Variants in CACFD1 observed in about 807,000 individuals in gnomAD.
The protein encoded by CACFD1 is calcium channel flower domain containing 1.
Under a neutral mutation model 21.3 loss-of-function variants are expected in CACFD1, and 26 were observed. The observed-to-expected ratio is 1.22, with a 90% CI of 0.89 to 1.69. The LOEUF (loss-of-function observed/expected upper bound fraction) is 1.69, where lower values mean the gene tolerates loss of function less well. Among genes scored for constraint, CACFD1 ranks in the 40% most tolerant of loss-of-function variants. The pLI is 0.00. For synonymous variants in CACFD1, 121 were observed against 106.6 expected, an observed-to-expected ratio of 1.13 and a Z score of -0.83; for missense variants, 265 against 236.2, an observed-to-expected ratio of 1.12 and a Z score of -0.80.
chr9:133,468,074 G>GC (rs988575029), intron 4 of CACFD1, 46 bp downstream of exon 4: 10 of 1,481,614 alleles, frequency 6.7e-6, no homozygotes, highest in African/African-American at 5.5e-5. Context: ...TCCTCCCTCC[G>GC]CCCCCCGAAG....
At position 133,469,283 on chromosome 9, in the gene CACFD1, C is replaced by A. The variant is rs1047775181; in HGVS notation, c.*630C>A. 6.6e-6 allele frequency: 1 copy of A among 152,472 alleles called. No homozygotes were observed. The highest frequency in any genetic ancestry group is 1.5e-5 in the Non-Finnish European group (1 of 68,266). 9.4% of individuals were successfully genotyped at this position (152,472 alleles called of 1,614,324 possible). Reference sequence around the variant, plus strand: ...CCTGGGAACCTTGGACAGGCCACCTCAAGGCCCCTCGGCTGCCCCTCCTCC... The same window carrying A: ...CCTGGGAACCTTGGACAGGCCACCTAAAGGCCCCTCGGCTGCCCCTCCTCC... On this transcript the variant is annotated 3_prime_UTR_variant, in exon 5 of 5. Transcript: ENST00000316948.
At position 133,460,128 on chromosome 9, in the gene CACFD1, AG is replaced by A; in HGVS notation, c.65del (p.Gly22AlafsTer2). 6.4e-7 allele frequency: 1 copy of A among 1,562,434 alleles called. No individual in the cohort carries two copies. Among genetic ancestry groups the A allele is most frequent in the Non-Finnish European group, 8.7e-7 (1 of 1,153,048 alleles). On this transcript the variant is annotated frameshift_variant, in exon 1 of 5. Transcript: ENST00000316948. LOFTEE classifies it high-confidence loss of function. ...AGCTCTGCGCCGCCCGCGCAGGAAG[AG>A]GGCATGACGTGGTGGTACCGCTGGC... ...SASSAPPAQE[E>X]GMTWWYRWLC...
In CACFD1 at chr9:133,460,092, G is replaced by GGGCGTCCGC. The variant is rs1554797910; in HGVS notation, c.27_35dup (p.Ala10_Ala12dup). On this transcript the variant is annotated inframe_insertion, in exon 1 of 5. Coordinates refer to ENST00000316948, the MANE Select transcript of CACFD1 (RefSeq NM_017586.5). ...ATGAGCAGCTCAGGTGGGGCGCCCG[G>GGGCGTCCGC]GGCGTCCGCCAGCTCTGCGCCGCCC... is the stretch of plus-strand genomic sequence containing the variant. 1 of 1,563,282 alleles carries GGGCGTCCGC rather than the reference G, an allele frequency of 6.4e-7. No homozygotes were observed. Among genetic ancestry groups the GGGCGTCCGC allele is most frequent in the East Asian group, 2.4e-5 (1 of 41,506 alleles).
chr9:133,464,385 G>A (rs1043722673), intron 2 of CACFD1, among the ~76,000 whole-genome samples: 5 of 152,192 alleles, frequency 3.3e-5, no homozygotes, highest in Admixed American at 6.5e-5. Context: ...TCAGGGGGTG[G>A]AGTCGGAGCC....
At chr9:133,463,266 C>T in intron 1 of CACFD1, 1 of 367,672 alleles carries the variant, frequency 2.7e-6, no homozygotes, top group Non-Finnish European at 3.8e-6. Context: ...CACCTTGCTG[C>T]CACCTTGCTG....
At chr9:133,460,664 T>G (rs1428254664) in intron 1 of CACFD1, among the ~76,000 whole-genome samples, 1 of 152,128 alleles carries the variant, frequency 6.6e-6, no homozygotes, top group African/African-American at 2.4e-5. Context: ...AAGGATTGTT[T>G]GTAAGGGAGG....
At chr9:133,463,609 T>TTA (rs1554798961) in intron 2 of CACFD1, 54 bp downstream of exon 2, 2 of 1,582,604 alleles carry the variant, frequency 1.3e-6, no homozygotes, top group Non-Finnish European at 1.7e-6. Flanking sequence ...GGGAATCTGC[T>TTA]GGGCACCTCC....
In CACFD1 at chr9:133,460,164, T is replaced by TA; in HGVS notation, c.98_99insA (p.Ser34ValfsTer42). ...TGGTGGTACCGCTGGCTGTGTCGCC[T>TA]GTCTGGGGTGCTGGGGGCAGTCTGT... On this transcript the variant is annotated frameshift_variant, in exon 1 of 5. Transcript: ENST00000316948. LOFTEE classifies it high-confidence loss of function. The TA allele has an allele frequency of 6.4e-7, 1 of 1,556,576 alleles. No individual in the cohort carries two copies. The highest frequency in any genetic ancestry group is 8.7e-7 in the Non-Finnish European group (1 of 1,150,560).
chr9:133,468,632 G>C lies in CACFD1; in HGVS notation c.498G>C (p.Glu166Asp). The C allele has an allele frequency of 6.3e-7, 1 of 1,583,258 alleles. No homozygotes were observed. Among genetic ancestry groups the C allele is most frequent in the Non-Finnish European group, 8.6e-7 (1 of 1,167,572 alleles). ...RQQADEEKLA[E>D]TLEGEL ...AGGCGGATGAGGAGAAGCTCGCGGA[G>C]ACCCTGGAGGGGGAGCTGTGAAGGG... The change falls in exon 5 of 5, where the codon GAG (glutamate) becomes GAC (aspartate). Residue 166 changes from glutamate to aspartate, a missense_variant. By Grantham distance (45) the Glu-to-Asp change is conservative. Coordinates refer to ENST00000316948, the MANE Select transcript of CACFD1 (RefSeq NM_017586.5).
rs1010652069 is a variant in CACFD1, at chr9:133,465,583, T to G, written c.320+136T>G. On this transcript the variant is annotated intron_variant, in intron 3 of 4. Coordinates refer to ENST00000316948, the MANE Select transcript of CACFD1 (RefSeq NM_017586.5). The surrounding 1 kb of genome is among the most constrained non-coding windows in gnomAD (Gnocchi z 5.0). The stretch of plus-strand genomic sequence containing the variant: ...GAAGTGTAAACTGGGATTGCCTTTG[T>G]GCACAGTGATTTGCTCATAGCTGCC... The G allele has an allele frequency of 1.1e-6, 1 of 929,942 alleles. No individual in the cohort carries two copies. 57.6% of individuals were successfully genotyped at this position (929,942 alleles called of 1,614,324 possible).
Position 133,465,276 on chromosome 9 carries a change from C to G in CACFD1, c.195-46C>G. ...TGGCACTGGGGGCCGCCCTCATCCT[C>G]CTGGGATTGTCAGTCGCTGCTCTTC... On this transcript the variant is annotated intron_variant, in intron 2 of 4. Transcript: ENST00000316948. The surrounding 1 kb of genome is among the most constrained non-coding windows in gnomAD (Gnocchi z 5.0). The G allele has an allele frequency of 6.2e-7, 1 of 1,611,154 alleles. No homozygotes were observed. The highest frequency in any genetic ancestry group is 2.2e-5 in the East Asian group (1 of 44,850).
chr9:133,464,832 T>C (rs3124764), intron 2 of CACFD1, among the ~76,000 whole-genome samples: 121,968 of 152,134 alleles, frequency 0.8, 49,451 homozygotes, highest in East Asian at 0.93. Flanking sequence ...GTGACTGTTT[T>C]GGGACTGCGT....
rs1843380289 is a variant in CACFD1 at position 133,465,088 on chromosome 9, T to G, written c.195-234T>G. 5.4e-6 allele frequency: 3 copies of G among 558,752 alleles called. No individual in the cohort carries two copies. The highest frequency in any genetic ancestry group is 9.6e-6 in the Non-Finnish European group (3 of 312,002). The allele number at this position is 558,752 out of a possible 1,614,324, so 34.6% of individuals were successfully genotyped here. On this transcript the variant is annotated intron_variant, in intron 2 of 4. Transcript: ENST00000316948. This position sits in a 1 kb window ranked among gnomAD's most constrained non-coding sequence, Gnocchi z 5.0. ...GGGGCTTCCCTCTAGGAGTGTTCAG[T>G]TCAGCTGGGGAGATGGGTGTGCAGG...
At chr9:133,467,816 G>A (rs1843497611) in intron 3 of CACFD1, 105 bp from the exon 4 acceptor site, 12 of 782,472 alleles carry the variant, frequency 1.5e-5, no homozygotes, top group Middle Eastern at 3.6e-4. Context: ...GATCCTTCCT[G>A]TGCCCTGGGT....
intron 1 of CACFD1, among the ~76,000 whole-genome samples, chr9:133,460,486 T>TGGGGCGGCGGGGGCGGGGGCGGGGGG (rs1843140089): frequency 1.0e-4 from 4 of 40,060 alleles, no homozygotes; most frequent in Non-Finnish European, 1.2e-4. Context: ...GGGGCGGGGG[T>TGGGGCGGCGGGGGCGGGGGCGGGGGG]GGGGCACCGG....
intron 1 of CACFD1, 78 bp from the exon 2 acceptor site, chr9:133,463,405 A>C (rs781942861): frequency 1.2e-6 from 2 of 1,608,056 alleles, no homozygotes; most frequent in Non-Finnish European, 8.5e-7. Flanking sequence ...CGTCCTTTCC[A>C]GTCATCTCCC....
chr9:133,462,835 C>T (rs893081354), intron 1 of CACFD1, among the ~76,000 whole-genome samples: 3 of 152,184 alleles, frequency 2.0e-5, no homozygotes, highest in Non-Finnish European at 2.9e-5. Flanking sequence ...GGCATTTCAG[C>T]GGTGGGTGGC....
chr9:133,462,200 A>C, intron 1 of CACFD1: 1 of 1,304,216 alleles, frequency 7.7e-7, no homozygotes, highest in South Asian at 1.2e-5. Flanking sequence ...CTGCAGCAGG[A>C]AGCACAGCCG....
rs1843405910 is a variant in CACFD1 at position 133,465,600 on chromosome 9, A to G, written c.320+153A>G. 2.9e-5 allele frequency: 23 copies of G among 796,658 alleles called. No individual in the cohort carries two copies. The East Asian group carries it at 6.1e-4, about 21-fold the overall frequency. 49.3% of individuals were successfully genotyped at this position (796,658 alleles called of 1,614,324 possible). A position where few individuals can be genotyped will look rare whatever the true frequency, so the allele number is the denominator to read the frequency against. On this transcript the variant is annotated intron_variant, in intron 3 of 4. Transcript: ENST00000316948. This position sits in a 1 kb window ranked among gnomAD's most constrained non-coding sequence, Gnocchi z 5.0. ...TGCCTTTGTGCACAGTGATTTGCTC[A>G]TAGCTGCCAAAACGTGCCCCAGTGG...
Sources: gnomAD v4.1 joint callset for allele counts (sites outside exome capture counted in the v4.1 genomes callset) on GRCh38, gnomAD v4.1.1 for gene constraint, Gnocchi (gnomAD v3.1) non-coding constraint, MANE v1.5 for transcripts, NCBI Gene and HGNC (gene_info 2026-07-23, HGNC 2026-07-21) for gene names.